Variants in UGT1A4 observed in about 807,000 individuals in gnomAD.
UGT1A4 encodes the protein UDP-glucuronosyltransferase 1A4.
Under a neutral mutation model 41.1 loss-of-function variants are expected in UGT1A4, and 32 were observed. That is an observed-to-expected ratio of 0.78 (90% CI 0.59 to 1.05). The LOEUF is 1.05. UGT1A4 is among the 50% of genes least tolerant of loss of function. The pLI, the probability that UGT1A4 is intolerant of heterozygous loss-of-function variation, is 0.00. For missense variants in UGT1A4, 748 were observed against 677.4 expected (o/e 1.10, Z -1.16); for synonymous variants, 283 against 265.1 (o/e 1.07, Z -0.66).
intron 1 of UGT1A4, among the ~76,000 whole-genome samples, chr2:233,741,146 C>T (rs1691577481): frequency 6.6e-6 from 1 of 151,880 alleles, no homozygotes; most frequent in Admixed American, 6.6e-5. Flanking sequence ...CCATTTATGA[C>T]AGCACTAATC....
chr2:233,729,233 T>G, intron 1 of UGT1A4: 1 of 1,614,178 alleles, frequency 6.2e-7, no homozygotes, highest in South Asian at 1.1e-5. Flanking sequence ...GTGGTGCCCA[T>G]TGATGGCAGC....
intron 1 of UGT1A4, chr2:233,756,428 T>G (rs1464459350): frequency 6.6e-6 from 1 of 152,242 alleles, no homozygotes; most frequent in Non-Finnish European, 1.5e-5. Flanking sequence ...TACTGTTTTT[T>G]TTTCATTGTT....
intron 1 of UGT1A4, chr2:233,755,251 C>A (rs1287732511): frequency 2.4e-6 from 2 of 830,672 alleles, no homozygotes; most frequent in Non-Finnish European, 3.6e-6. Context: ...ACTCCCAGCA[C>A]CTCGTAGTAG....
Position 233,718,977 on chromosome 2 carries a change from G to T in UGT1A4, c.157G>T (p.Ala53Ser), listed in dbSNP as rs930216391. ...SMREALRELH[A>S]RGHQAVVLTP... ...GCGGGAGGCCTTGCGGGAGCTCCAT[G>T]CCAGAGGCCACCAGGCGGTGGTCCT... Residue 53 changes from alanine to serine, a missense_variant, in exon 1 of 5, where the codon GCC becomes TCC. Physicochemically the swap from Ala to Ser is moderately conservative, Grantham distance 99. Coordinates refer to ENST00000373409, the MANE Select transcript of UGT1A4 (RefSeq NM_007120.3). 3.1e-6 allele frequency: 5 copies of T among 1,614,122 alleles called. No homozygotes were observed. In the Admixed American group the frequency reaches 8.3e-5, roughly 27 times the overall value.
chr2:233,767,766 C>T lies in UGT1A4; in HGVS notation c.1000-83C>T, dbSNP rs28900402. The stretch of plus-strand genomic sequence containing the variant: ...TAAAGACTGTTCCTTCAGAGGACCC[C>T]TGTTTTCTAGTTAGTATAGCAGATT... On this transcript the variant is annotated intron_variant, in intron 2 of 4. Coordinates refer to ENST00000373409, the MANE Select transcript of UGT1A4 (RefSeq NM_007120.3). 4.7e-3 allele frequency: 7,536 copies of T among 1,609,198 alleles called. 310 individuals are homozygous for T. The African/African-American group carries it at 0.088, about 19-fold the overall frequency.
chr2:233,757,567 T>TATATATATATATATATA (rs1553619947), intron 1 of UGT1A4, among the ~76,000 whole-genome samples: 5 of 142,918 alleles, frequency 3.5e-5, no homozygotes, highest in Non-Finnish European at 7.6e-5. Context: ...TATATGTATA[T>TATATATATATATATATA]ATGATATAGC....
At chr2:233,741,101 A>C (rs559824040) in intron 1 of UGT1A4, among the ~76,000 whole-genome samples, 9 of 151,948 alleles carry the variant, frequency 5.9e-5, no homozygotes, top group Non-Finnish European at 8.8e-5. Context: ...GCAAACAGAC[A>C]ATCAAGCTTT....
chr2:233,732,066 G>A (rs1295393018), intron 1 of UGT1A4, among the ~76,000 whole-genome samples: 2 of 152,128 alleles, frequency 1.3e-5, no homozygotes, highest in African/African-American at 4.8e-5. Flanking sequence ...TGTGTCTGTT[G>A]GCTGCATAAA....
rs1375578843 is a variant in UGT1A4, at chr2:233,769,338, C to A, written c.1307+899C>A. Among the ~76,000 whole-genome samples the A allele has an allele frequency of 6.6e-6, 1 of 152,184 alleles. No individual in the cohort carries two copies. Among genetic ancestry groups the A allele is most frequent in the East Asian group, 1.9e-4 (1 of 5,204 alleles). On this transcript the variant is annotated intron_variant, in intron 4 of 4. Transcript: ENST00000373409. The surrounding 1 kb of genome is among the most constrained non-coding windows in gnomAD (Gnocchi z 4.4). ...CTCACTGGTAATAGGCTTATTAGAA[C>A]CTTATGGGAAGAAGTGGTGGCCAGT...
intron 1 of UGT1A4, chr2:233,730,074 A>G: frequency 6.2e-7 from 1 of 1,607,274 alleles, no homozygotes; most frequent in African/African-American, 1.3e-5. Context: ...AATTGCTTCC[A>G]TATTTACTTA....
In UGT1A4 at chr2:233,718,861, C is replaced by T. The variant is rs755547805; in HGVS notation, c.41C>T (p.Thr14Ile). The change falls in exon 1 of 5, where the codon ACA (threonine) becomes ATA (isoleucine). Residue 14 changes from threonine (T) to isoleucine (I), a missense_variant. By Grantham distance (89) the Thr-to-Ile change is moderately conservative (BLOSUM62 -1). Coordinates refer to ENST00000373409, the MANE Select transcript of UGT1A4 (RefSeq NM_007120.3). ...GLQVPLPRLA[T>I]GLLLLLSVQP... ...CAGGTTCCCCTGCCGCGGCTGGCCA[C>T]AGGACTGCTGCTCCTCCTCAGTGTC... 1.9e-6 allele frequency: 3 copies of T among 1,613,854 alleles called. No homozygotes were observed. Among genetic ancestry groups the T allele is most frequent in the East Asian group, 2.2e-5 (1 of 44,890 alleles).
At chr2:233,753,198 T>C (rs1454956854) in intron 1 of UGT1A4, 2 of 152,228 alleles carry the variant, frequency 1.3e-5, no homozygotes. Flanking sequence ...TCAAAAGCCC[T>C]GACAGTCTGT....
intron 1 of UGT1A4, chr2:233,755,200 G>C: frequency 9.0e-7 from 1 of 1,105,698 alleles, no homozygotes; most frequent in Non-Finnish European, 1.3e-6. Context: ...GCCAGCTTGC[G>C]GTACGCCTTC....
chr2:233,721,629 A>T (rs923769431), intron 1 of UGT1A4: 2 of 200,638 alleles, frequency 1.0e-5, no homozygotes, highest in East Asian at 1.5e-4. Context: ...ATCAGTAAAG[A>T]TCATCTTGAA....
intron 1 of UGT1A4, chr2:233,748,124 G>C (rs1575688214): frequency 9.9e-6 from 16 of 1,610,630 alleles, no homozygotes; most frequent in Non-Finnish European, 1.3e-5. Flanking sequence ...AGGCAAAACA[G>C]TTTTTAAAAA....
At chr2:233,756,352 C>G (rs1022933251) in intron 1 of UGT1A4, 1 of 152,152 alleles carries the variant, frequency 6.6e-6, no homozygotes, top group African/African-American at 2.4e-5. Flanking sequence ...ATTACTTTTA[C>G]CTAATAAATG....
intron 1 of UGT1A4, chr2:233,747,179 G>T: frequency 3.1e-6 from 5 of 1,601,464 alleles, no homozygotes; most frequent in Non-Finnish European, 4.3e-6. Context: ...GCACAGCGTG[G>T]GGTGGACAGT....
chr2:233,720,111 A>T (rs375337580), intron 1 of UGT1A4, among the ~76,000 whole-genome samples: 1 of 152,208 alleles, frequency 6.6e-6, no homozygotes, highest in African/African-American at 2.4e-5. Context: ...ATCTTGCGAA[A>T]GATACAGAGG....
rs1700524185 is a variant in UGT1A4, at chr2:233,772,466, C to A, written c.1512C>A (p.Ala504=). 6.2e-6 allele frequency: 10 copies of A among 1,614,148 alleles called. No individual in the cohort carries two copies. The highest frequency in any genetic ancestry group is 8.5e-6 in the Non-Finnish European group (10 of 1,180,034). The change falls in exon 5 of 5, where the codon GCC becomes GCA. Residue 504 remains alanine, a synonymous_variant. Coordinates refer to ENST00000373409, the MANE Select transcript of UGT1A4 (RefSeq NM_007120.3). ...GFLLAVVLTV[A]FITFKCCAYG... ...TCTTGGCCGTCGTGCTGACAGTGGCCTTCATCACCTTTAAATGTTGTGCTT... is the reference window on the plus strand; with the variant it reads ...TCTTGGCCGTCGTGCTGACAGTGGCATTCATCACCTTTAAATGTTGTGCTT...
Sources: gnomAD v4.1 joint callset for allele counts (sites outside exome capture counted in the v4.1 genomes callset) on GRCh38, gnomAD v4.1.1 for gene constraint, Gnocchi (gnomAD v3.1) non-coding constraint, MANE v1.5 for transcripts, NCBI Gene and HGNC (gene_info 2026-07-23, HGNC 2026-07-21) for gene names.